The following ATL2 variants were observed in gnomAD, a reference collection of about 807,000 sequenced individuals.
ATL2 encodes the protein atlastin-2.
In ATL2, 31 loss-of-function variants were observed where a neutral mutation model predicts 73.9. That is an observed-to-expected ratio of 0.42 (90% CI 0.32 to 0.57). The LOEUF (loss-of-function observed/expected upper bound fraction) is 0.57. ATL2 is among the 20% of genes least tolerant of loss of function. ATL2 has a pLI of 0.14. For synonymous variants in ATL2, 291 were observed against 237.5 expected (o/e 1.23, Z -2.07); for missense variants, 738 against 702.6 (o/e 1.05, Z -0.57).
At chr2:38,376,351 C>A in intron 1 of ATL2, 1 of 889,908 alleles carries the variant, frequency 1.1e-6, no homozygotes, top group African/African-American at 1.6e-5. Flanking sequence ...TAGGAGCTCA[C>A]ATTCAGCAAA....
intron 9 of ATL2, among the ~76,000 whole-genome samples, chr2:38,302,438 T>C (rs544273155): frequency 4.6e-5 from 7 of 151,984 alleles, no homozygotes; most frequent in South Asian, 2.1e-4. Context: ...CACCTGCTGA[T>C]TGTAGAACCT....
chr2:38,346,499 A>G (rs1285546269), intron 1 of ATL2, among the ~76,000 whole-genome samples: 3 of 152,148 alleles, frequency 2.0e-5, no homozygotes, highest in East Asian at 3.8e-4. Flanking sequence ...AGCGGTCCCC[A>G]ACCTTCTTGG....
intron 1 of ATL2, among the ~76,000 whole-genome samples, chr2:38,374,242 T>C (rs1302835962): frequency 6.6e-6 from 1 of 152,234 alleles, no homozygotes; most frequent in Non-Finnish European, 1.5e-5. Flanking sequence ...TTGTGTATCA[T>C]GTGCTGTGTG....
chr2:38,365,739 T>C (rs1162763132), intron 1 of ATL2, among the ~76,000 whole-genome samples: 2 of 151,590 alleles, frequency 1.3e-5, no homozygotes. Flanking sequence ...GCAGAGGTTG[T>C]AGTGAGCAGA....
intron 1 of ATL2, among the ~76,000 whole-genome samples, chr2:38,362,923 G>T (rs1671093255): frequency 6.6e-6 from 1 of 152,202 alleles, no homozygotes; most frequent in East Asian, 1.9e-4. Context: ...GAAAGACATG[G>T]ACATCTGGAG....
intron 2 of ATL2, among the ~76,000 whole-genome samples, chr2:38,331,592 A>G: frequency 6.8e-6 from 1 of 146,892 alleles, no homozygotes. Context: ...CAGCCTGGGC[A>G]ACAGAGCAAG....
chr2:38,320,045 T>G (rs1668234413), intron 2 of ATL2, among the ~76,000 whole-genome samples: 1 of 152,088 alleles, frequency 6.6e-6, no homozygotes, highest in South Asian at 2.1e-4. Flanking sequence ...GGGCAGAGGT[T>G]GCAGTGAGCA....
chr2:38,340,955 G>C (rs189672163), intron 2 of ATL2, among the ~76,000 whole-genome samples: 40 of 152,248 alleles, frequency 2.6e-4, no homozygotes, highest in Admixed American at 2.4e-3. Flanking sequence ...AACTCCCCCA[G>C]GAAAAGAGAG....
In ATL2 at chr2:38,315,337, G is replaced by GT; in HGVS notation, c.604-4dup. Reference sequence around the variant, plus strand: ...ATATTCTGAGACAGATTATATACCTGTTGAAACAAAATTTATTTTGTTTTT... The same window carrying GT: ...ATATTCTGAGACAGATTATATACCTGTTTGAAACAAAATTTATTTTGTTTTT... On this transcript the variant is annotated splice_region_variant and splice_polypyrimidine_tract_variant and intron_variant, in intron 4 of 12. Transcript: ENST00000378954. 1 of 1,500,166 alleles carries GT rather than the reference G, an allele frequency of 6.7e-7. No individual in the cohort carries two copies. 92.9% of individuals were successfully genotyped at this position (1,500,166 alleles called of 1,614,324 possible).
Position 38,318,680 on chromosome 2 carries a change from C to G in ATL2, c.499-41G>C, listed in dbSNP as rs147938423. 1,557 of 1,475,998 alleles carry G rather than the reference C, an allele frequency of 1.1e-3. 29 individuals are homozygous for G. The East Asian group carries it at 0.027, about 26-fold the overall frequency. 91.4% of individuals were successfully genotyped at this position (1,475,998 alleles called of 1,614,324 possible). On this transcript the variant is annotated intron_variant, in intron 3 of 12. Coordinates refer to ENST00000378954, the MANE Select transcript of ATL2 (RefSeq NM_001135673.4). ...TTTAAAATATTTAGTAAAACAGTTG[C>G]CAAAAATGACTATAAAAAAAATCAA... is the stretch of plus-strand genomic sequence containing the variant.
intron 1 of ATL2, among the ~76,000 whole-genome samples, chr2:38,360,740 G>T (rs1670965354): frequency 1.3e-5 from 2 of 152,088 alleles, no homozygotes; most frequent in South Asian, 2.1e-4. Context: ...TACTTTTTTG[G>T]GGGGAAATGA....
chr2:38,303,947 G>A (rs6544150), intron 9 of ATL2, among the ~76,000 whole-genome samples: 15,174 of 151,974 alleles, frequency 0.1, 2,518 homozygotes, highest in African/African-American at 0.34. Context: ...CCTGGACAAC[G>A]TAGAGAAATG....
At chr2:38,349,081 T>A (rs1303907667) in intron 1 of ATL2, among the ~76,000 whole-genome samples, 3 of 150,744 alleles carry the variant, frequency 2.0e-5, no homozygotes, top group African/African-American at 7.3e-5. Context: ...GGTGGGACTG[T>A]AAACTAGTTC....
rs202218701 is a variant in ATL2, at chr2:38,350,121, C to CT, written c.119-6610dup. On this transcript the variant is annotated intron_variant, in intron 1 of 12. Coordinates refer to ENST00000378954, the MANE Select transcript of ATL2 (RefSeq NM_001135673.4). ...AAAAGTCTCTAAATTCCACACCACT[C>CT]TAAGATTTTAAACTGAAGTTACGTC... is the stretch of plus-strand genomic sequence containing the variant. Among the ~76,000 whole-genome samples the CT allele has an allele frequency of 8.2e-3, 1,253 of 152,286 alleles. 21 individuals carry two copies. The highest frequency in any genetic ancestry group is 0.028 in the African/African-American group (1,172 of 41,548).
At chr2:38,344,990 T>C (rs1348470351) in intron 1 of ATL2, among the ~76,000 whole-genome samples, 1 of 152,150 alleles carries the variant, frequency 6.6e-6, no homozygotes. Flanking sequence ...AGAATGTAAA[T>C]AGCAGAGATA....
intron 9 of ATL2, among the ~76,000 whole-genome samples, chr2:38,301,410 G>A (rs1313707446): frequency 1.3e-5 from 2 of 152,124 alleles, no homozygotes; most frequent in Non-Finnish European, 2.9e-5. Flanking sequence ...ACCTTCATAA[G>A]AACCAAAAAT....
At position 38,376,793 on chromosome 2, in the gene ATL2, C is replaced by A. The variant is rs574304611; in HGVS notation, c.118+350G>T. 8.6e-5 allele frequency among the ~76,000 whole-genome samples: 13 copies of A among 151,836 alleles called. 1 individual carries two copies. The South Asian group carries it at 2.5e-3, about 29-fold the overall frequency. ...CGGAGCCGCAGCCGACCTCCCCGCG[C>A]CCCGGGCAGGCGGCCACGGCTCAAG... On this transcript the variant is annotated intron_variant, in intron 1 of 12. Coordinates refer to ENST00000378954, the MANE Select transcript of ATL2 (RefSeq NM_001135673.4).
rs989495011 is a variant in ATL2, at chr2:38,366,011, C to T, written c.118+11132G>A. Reference sequence around the variant, plus strand: ...TGGCTCAATACAGACAAAATTCCTACTACAAGAGCAGCCGTGAAAAGAAGG... The same window carrying T: ...TGGCTCAATACAGACAAAATTCCTATTACAAGAGCAGCCGTGAAAAGAAGG... On this transcript the variant is annotated intron_variant, in intron 1 of 12. Coordinates refer to ENST00000378954, the MANE Select transcript of ATL2 (RefSeq NM_001135673.4). Among the ~76,000 whole-genome samples, 5 of 151,150 alleles carry T rather than the reference C, an allele frequency of 3.3e-5. No homozygotes were observed. The East Asian group carries it at 7.8e-4, about 23-fold the overall frequency.
chr2:38,364,281 A>G (rs2124476802), intron 1 of ATL2, among the ~76,000 whole-genome samples: 1 of 152,216 alleles, frequency 6.6e-6, no homozygotes, highest in South Asian at 2.1e-4. Context: ...AATAAAATAA[A>G]ATAAAAATAA....
Sources: allele counts gnomAD v4.1 joint callset (sites outside exome capture counted in the v4.1 genomes callset), GRCh38; gene constraint gnomAD v4.1.1; transcripts MANE v1.5; gene names NCBI Gene and HGNC (gene_info 2026-07-23, HGNC 2026-07-21).